Variants in INTS3 observed in about 807,000 individuals in gnomAD.
INTS3 encodes the protein SOSS complex subunit A.
A neutral mutation model predicts 146.3 loss-of-function variants in INTS3; 34 were observed. That is an observed-to-expected ratio of 0.23 (90% CI 0.18 to 0.31). INTS3 has a LOEUF of 0.31. Ranked by LOEUF, INTS3 falls within the 10% of genes least tolerant of loss-of-function variation. The pLI is 1.00. For missense variants in INTS3, 757 were observed against 1,304.2 expected (o/e 0.58, Z 6.46); for synonymous variants, 475 against 494.9 (o/e 0.96, Z 0.53).
Position 153,734,784 on chromosome 1 carries a change from A to G in INTS3, c.151-5867A>G, listed in dbSNP as rs376299687. Among the ~76,000 whole-genome samples the G allele has an allele frequency of 1.2e-4, 18 of 152,282 alleles. No individual in the cohort carries two copies. The East Asian group carries it at 2.9e-3, about 24-fold the overall frequency. ...CTTGTCTCCTAGAAGGCAAAAGTTT[A>G]CAGAGAGTAGATAGGAGAGAAAGCT... On this transcript the variant is annotated intron_variant, in intron 1 of 29. Coordinates refer to ENST00000318967, the MANE Select transcript of INTS3 (RefSeq NM_023015.5).
intron 3 of INTS3, among the ~76,000 whole-genome samples, chr1:153,746,662 A>G (rs1570850408): frequency 6.6e-6 from 1 of 152,022 alleles, no homozygotes. Flanking sequence ...TGGCCTCCCA[A>G]AGTGCTGGGA....
At chr1:153,735,357 G>T (rs1317669293) in intron 1 of INTS3, among the ~76,000 whole-genome samples, 2 of 152,190 alleles carry the variant, frequency 1.3e-5, no homozygotes, top group African/African-American at 4.8e-5. Flanking sequence ...CAGCAACCTT[G>T]TGATAGAGGC....
chr1:153,770,059 GTGTGTGT>G (rs746443983), intron 23 of INTS3, 132 bp from the exon 24 acceptor site: 48,892 of 323,054 alleles, frequency 0.15, 2,418 homozygotes, highest in Admixed American at 0.23. Flanking sequence ...GTGGATTGGG[GTGTGTGT>G]GTGTGTGTGT....
In INTS3 at chr1:153,764,180, C is replaced by T. The variant is rs201954301; in HGVS notation, c.1884C>T (p.Ala628=). The T allele has an allele frequency of 1.6e-5, 26 of 1,613,998 alleles. No homozygotes were observed. In the African/African-American group the frequency reaches 3.3e-4, roughly 21 times the overall value. The part of the protein sequence containing the change: ...LASCLQELFK[A]HFRGEVLPEE... ...CCTGCCTACAGGAGCTCTTCAAGGC[C>T]CACTTTCGAGGGGAGGTCCTGCCTG... The change falls in exon 18 of 30, where the codon GCC becomes GCT. Residue 628 remains alanine (A), a synonymous_variant. Transcript: ENST00000318967.
chr1:153,761,273 G>C, intron 13 of INTS3: 1 of 484,656 alleles, frequency 2.1e-6, no homozygotes, highest in Non-Finnish European at 3.6e-6. Flanking sequence ...CACTTTGGGA[G>C]GCCAAGGTGG....
chr1:153,742,534 G>GTT (rs963988734), intron 3 of INTS3, among the ~76,000 whole-genome samples: 237 of 150,020 alleles, frequency 1.6e-3, no homozygotes, highest in Non-Finnish European at 7.4e-4. Context: ...CTGTGTGTGG[G>GTT]TTTTTATAAA....
At chr1:153,739,522 C>T (rs909623452) in intron 1 of INTS3, among the ~76,000 whole-genome samples, 1 of 151,088 alleles carries the variant, frequency 6.6e-6, no homozygotes, top group Non-Finnish European at 1.5e-5. Context: ...TTTGTAGAGA[C>T]GGGGTTTCTC....
At chr1:153,768,593 T>C (rs909107567) in intron 21 of INTS3, among the ~76,000 whole-genome samples, 1 of 152,212 alleles carries the variant, frequency 6.6e-6, no homozygotes, top group African/African-American at 2.4e-5. Context: ...GCCAGTCCTC[T>C]CAGCTCTGGC....
chr1:153,755,765 G>A (rs1300951005), intron 9 of INTS3, among the ~76,000 whole-genome samples: 3 of 152,166 alleles, frequency 2.0e-5, no homozygotes, highest in Admixed American at 6.5e-5. Flanking sequence ...TTGGCCGGAC[G>A]CAGTGGCTTA....
chr1:153,759,435 C>A (rs1257319345), intron 10 of INTS3, 91 bp from the exon 11 acceptor site: 2 of 847,712 alleles, frequency 2.4e-6, no homozygotes, highest in East Asian at 2.4e-5. Context: ...GATGAAACAG[C>A]CAAGTGGGGC....
rs1487397513 is a variant in INTS3 at position 153,771,779 on chromosome 1, C to T, written c.2553-17C>T. On this transcript the variant is annotated splice_polypyrimidine_tract_variant and intron_variant, in intron 25 of 29. Coordinates refer to ENST00000318967, the MANE Select transcript of INTS3 (RefSeq NM_023015.5). ...GCCACTGTGCAAGCAGCACCCAGTG[C>T]CCCCTTCCTCCCCCAGGCCCAGCGA... The T allele has an allele frequency of 1.2e-6, 2 of 1,603,836 alleles. No homozygotes were observed. Among genetic ancestry groups the T allele is most frequent in the African/African-American group, 2.7e-5 (2 of 74,874 alleles).
chr1:153,754,503 C>T (rs1168183501), intron 8 of INTS3, 139 bp from the exon 9 acceptor site: 1 of 714,604 alleles, frequency 1.4e-6, no homozygotes, highest in Admixed American at 1.9e-5. Context: ...CTGTGCTTGA[C>T]CTCCCTTGGT....
At chr1:153,734,706 G>C (rs956337496) in intron 1 of INTS3, among the ~76,000 whole-genome samples, 1 of 152,302 alleles carries the variant, frequency 6.6e-6, no homozygotes, top group Admixed American at 6.5e-5. Flanking sequence ...AGCTTTGCAG[G>C]ATCTGGTAGA....
At chr1:153,751,944 G>T (rs1671971142) in intron 7 of INTS3, 1 of 301,398 alleles carries the variant, frequency 3.3e-6, no homozygotes, top group Non-Finnish European at 6.2e-6. Context: ...GGGTTTCTGG[G>T]GCTCAACTTG....
chr1:153,738,923 C>T (rs1173332316), intron 1 of INTS3, among the ~76,000 whole-genome samples: 1 of 146,896 alleles, frequency 6.8e-6, no homozygotes, highest in East Asian at 2.0e-4. Context: ...GACAGTGTCT[C>T]GCTCTTGTCA....
At position 153,771,919 on chromosome 1, in the gene INTS3, G is replaced by A. The variant is rs1283084931; in HGVS notation, c.2676G>A (p.Lys892=). ...ACGAGCTGCTGGCCGAGCACATCAA[G>A]TCCCTGCTCATCAAGAACAACAGCC... ...KHDELLAEHI[K]SLLIKNNSLP... is the part of the protein sequence containing the mutation. Residue 892 remains lysine, a synonymous_variant, in exon 26 of 30, where the codon AAG becomes AAA. Coordinates refer to ENST00000318967, the MANE Select transcript of INTS3 (RefSeq NM_023015.5). 1 of 1,614,066 alleles carries A rather than the reference G, an allele frequency of 6.2e-7. No homozygotes were observed. The highest frequency in any genetic ancestry group is 2.2e-5 in the East Asian group (1 of 44,882).
intron 1 of INTS3, among the ~76,000 whole-genome samples, chr1:153,730,503 C>T (rs114345989): frequency 0.021 from 3,192 of 152,248 alleles, 104 homozygotes; most frequent in African/African-American, 0.072. Flanking sequence ...GCAAAAGACC[C>T]AGGGGTTGAA....
At position 153,740,730 on chromosome 1, in the gene INTS3, C is replaced by G; in HGVS notation, c.230C>G (p.Ala77Gly). The G allele has an allele frequency of 6.2e-7, 1 of 1,609,286 alleles. No individual in the cohort carries two copies. The highest frequency in any genetic ancestry group is 8.5e-7 in the Non-Finnish European group (1 of 1,175,714). The change falls in exon 2 of 30, where the codon GCG becomes GGG. Residue 77 changes from alanine to glycine, a missense_variant. Coordinates refer to ENST00000318967, the MANE Select transcript of INTS3 (RefSeq NM_023015.5). ...AGAGAAGCCAATGATGCCCTCAATG[C>G]GTATGTAAGTAGAATGCTGTCCCTG... ...SEREANDALN[A>G]YVCKGLPQHE...
rs146324972 is a variant in INTS3 at position 153,764,171 on chromosome 1, C to G, written c.1875C>G (p.Leu625=). The G allele has an allele frequency of 3.7e-4, 594 of 1,613,908 alleles. No individual in the cohort carries two copies. Among genetic ancestry groups the G allele is most frequent in the Non-Finnish European group, 4.5e-4 (528 of 1,179,980 alleles). The change falls in exon 18 of 30, where the codon CTC becomes CTG. Residue 625 remains leucine (L), a synonymous_variant. Coordinates refer to ENST00000318967, the MANE Select transcript of INTS3 (RefSeq NM_023015.5). ...LSVLASCLQE[L]FKAHFRGEVL... ...TCCTTGCTTCCTGCCTACAGGAGCT[C>G]TTCAAGGCCCACTTTCGAGGGGAGG...
Sources: gnomAD v4.1 joint callset for allele counts (sites outside exome capture counted in the v4.1 genomes callset) on GRCh38, gnomAD v4.1.1 for gene constraint, MANE v1.5 for transcripts, NCBI Gene and HGNC (gene_info 2026-07-23, HGNC 2026-07-21) for gene names.